Variants in DDR2 observed in about 807,000 individuals in gnomAD.
DDR2 encodes the protein discoidin domain receptor tyrosine kinase 2, also known as discoidin domain-containing receptor 2.
Under a neutral mutation model 94.9 loss-of-function variants are expected in DDR2, and 27 were observed. The ratio of observed to expected loss-of-function variants is 0.28; its 90% CI spans 0.21 to 0.39. The LOEUF (loss-of-function observed/expected upper bound fraction) is 0.39. Among genes scored for constraint, DDR2 ranks in the 10% least tolerant of loss-of-function variants. The probability of loss-of-function intolerance (pLI) is 1.00; values close to 1 mark genes in which losing one functional copy is unlikely to be tolerated. For missense variants in DDR2, 783 were observed against 1,076.0 expected (o/e 0.73, Z 3.81); for synonymous variants, 382 against 377.2 (o/e 1.01, Z -0.15).
chr1:162,684,040 A>C (rs937546588), intron 2 of DDR2, among the ~76,000 whole-genome samples: 3 of 152,206 alleles, frequency 2.0e-5, no homozygotes, highest in Non-Finnish European at 4.4e-5. Context: ...AAGTACAGAC[A>C]TAGATCAAAG....
At chr1:162,719,230 G>T in intron 3 of DDR2, 85 bp downstream of exon 3, 2 of 1,604,214 alleles carry the variant, frequency 1.2e-6, no homozygotes, top group Non-Finnish European at 1.7e-6. Context: ...TCTAAAAGCT[G>T]CCAAGAGGGA....
At chr1:162,673,113 G>A (rs886748573) in intron 2 of DDR2, among the ~76,000 whole-genome samples, 1 of 152,066 alleles carries the variant, frequency 6.6e-6, no homozygotes, top group Non-Finnish European at 1.5e-5. Context: ...AATTTTGTAG[G>A]TATAACAATC....
intron 2 of DDR2, among the ~76,000 whole-genome samples, chr1:162,693,647 A>T (rs1011584135): frequency 1.3e-5 from 2 of 152,168 alleles, no homozygotes; most frequent in Admixed American, 6.5e-5. Context: ...GAGGATAAAG[A>T]ATAATGGAGC....
At chr1:162,690,368 A>G (rs546331046) in intron 2 of DDR2, among the ~76,000 whole-genome samples, 1 of 152,110 alleles carries the variant, frequency 6.6e-6, no homozygotes, top group Non-Finnish European at 1.5e-5. Flanking sequence ...TGGGGTTAGG[A>G]CACTCATGCC....
intron 3 of DDR2, among the ~76,000 whole-genome samples, chr1:162,748,635 C>T (rs1230099694): frequency 6.6e-6 from 1 of 152,194 alleles, no homozygotes; most frequent in East Asian, 1.9e-4. Context: ...GACTTGAACT[C>T]AGCTCTGCAC....
chr1:162,740,844 C>T (rs747428602), intron 3 of DDR2, among the ~76,000 whole-genome samples: 14 of 152,220 alleles, frequency 9.2e-5, no homozygotes, highest in Admixed American at 5.9e-4. Context: ...TAGGACTGGA[C>T]TCTGAACACA....
chr1:162,663,318 C>A (rs1390916770), intron 2 of DDR2, among the ~76,000 whole-genome samples: 1 of 152,146 alleles, frequency 6.6e-6, no homozygotes, highest in African/African-American at 2.4e-5. Context: ...AGCTCACAAA[C>A]TAGACATAGA....
chr1:162,765,961 G>GAGAAA (rs1342767580), intron 9 of DDR2, 40 bp from the exon 10 acceptor site: 4 of 1,607,752 alleles, frequency 2.5e-6, no homozygotes, highest in Non-Finnish European at 3.4e-6. Flanking sequence ...CTAGCTGTCT[G>GAGAAA]TCTTCTCCCT....
chr1:162,669,120 G>C (rs2101933965), intron 2 of DDR2, among the ~76,000 whole-genome samples: 1 of 152,294 alleles, frequency 6.6e-6, no homozygotes, highest in Non-Finnish European at 1.5e-5. Context: ...TTTAAGGGTA[G>C]TTCTGATTTC....
In DDR2 at chr1:162,754,816, C is replaced by T. The variant is rs1442986798; in HGVS notation, c.378C>T (p.Gly126=). 1.2e-6 allele frequency: 2 copies of T among 1,614,072 alleles called. No individual in the cohort carries two copies. Among genetic ancestry groups the T allele is most frequent in the Middle Eastern group, 1.7e-4 (1 of 6,056 alleles). Residue 126 remains glycine, a synonymous_variant, in exon 5 of 18, where the codon GGC becomes GGT. Coordinates refer to ENST00000367921, the MANE Select transcript of DDR2 (RefSeq NM_006182.4). ...PMYKINYSRD[G]TRWISWRNRH... is the part of the protein sequence containing the mutation. The stretch of plus-strand genomic sequence containing the variant: ...ACAAGATCAATTACAGTCGGGATGG[C>T]ACTCGCTGGATCTCTTGGCGGAACC...
intron 3 of DDR2, among the ~76,000 whole-genome samples, chr1:162,729,301 T>TATATATATATATATATATATATA (rs755861408): frequency 3.3e-5 from 2 of 60,118 alleles, no homozygotes; most frequent in African/African-American, 8.3e-5. Flanking sequence ...TATATATATA[T>TATATATATATATATATATATATA]TTTTTTTTTT....
At chr1:162,659,617 G>T (rs1039797173) in intron 2 of DDR2, among the ~76,000 whole-genome samples, 1 of 152,222 alleles carries the variant, frequency 6.6e-6, no homozygotes, top group Non-Finnish European at 1.5e-5. Context: ...CCATTTTAGG[G>T]ATTCAGCACG....
intron 1 of DDR2, among the ~76,000 whole-genome samples, chr1:162,636,010 A>G (rs61810405): frequency 0.078 from 11,834 of 152,268 alleles, 487 homozygotes; most frequent in Admixed American, 0.096. Flanking sequence ...ATTTATTGGA[A>G]CATCAATCAC....
chr1:162,693,773 C>G (rs1187694769), intron 2 of DDR2, among the ~76,000 whole-genome samples: 3 of 152,150 alleles, frequency 2.0e-5, no homozygotes, highest in Non-Finnish European at 4.4e-5. Context: ...GGGAGGCTGA[C>G]AGGTATGTGA....
intron 2 of DDR2, among the ~76,000 whole-genome samples, chr1:162,675,138 CAA>C: frequency 6.6e-6 from 1 of 151,552 alleles, no homozygotes; most frequent in Admixed American, 6.6e-5. Flanking sequence ...GCCTGGCCAA[CAA>C]GAGTGAAACT....
intron 2 of DDR2, among the ~76,000 whole-genome samples, chr1:162,705,401 G>T (rs934741942): frequency 6.6e-6 from 1 of 152,228 alleles, no homozygotes; most frequent in Non-Finnish European, 1.5e-5. Context: ...CTGTGGTCTG[G>T]ATGGGGATGA....
intron 1 of DDR2, among the ~76,000 whole-genome samples, chr1:162,654,323 G>A (rs938763585): frequency 6.6e-6 from 1 of 152,062 alleles, no homozygotes; most frequent in East Asian, 1.9e-4. Flanking sequence ...GTGTGTGCCT[G>A]TAGTCCTAGC....
intron 2 of DDR2, among the ~76,000 whole-genome samples, chr1:162,686,300 T>A (rs1319517932): frequency 6.6e-6 from 1 of 152,162 alleles, no homozygotes. Flanking sequence ...GCTGCACTTA[T>A]CAACCCACCA....
At chr1:162,655,966 C>T (rs988383) in intron 2 of DDR2, among the ~76,000 whole-genome samples, 127,164 of 152,088 alleles carry the variant, frequency 0.84, 53,765 homozygotes, top group Middle Eastern at 0.93. Context: ...ATTCATACAG[C>T]GCTTAGCTGG....
Sources: gnomAD v4.1 joint callset for allele counts (sites outside exome capture counted in the v4.1 genomes callset) on GRCh38, gnomAD v4.1.1 for gene constraint, MANE v1.5 for transcripts, NCBI Gene and HGNC (gene_info 2026-07-23, HGNC 2026-07-21) for gene names.